The following AK4 variants were observed in gnomAD, a reference collection of about 807,000 sequenced individuals.
AK4 encodes the protein adenylate kinase 4, mitochondrial.
In AK4, 13 loss-of-function variants were observed where a neutral mutation model predicts 24.6. That is an observed-to-expected ratio of 0.53 (90% confidence interval 0.34 to 0.84). The LOEUF (loss-of-function observed/expected upper bound fraction) is 0.84, where lower values mean the gene tolerates loss of function less well. Ranked by LOEUF, AK4 falls within the 40% of genes least tolerant of loss-of-function variation. The probability of loss-of-function intolerance (pLI) is 0.01; values close to 1 mark genes in which losing one functional copy is unlikely to be tolerated. For missense variants in AK4, 192 were observed against 288.2 expected, an observed-to-expected ratio of 0.67 and a Z score of 2.42; for synonymous variants, 88 against 107.0, an observed-to-expected ratio of 0.82 and a Z score of 1.10.
At chr1:65,223,489 C>T (rs776615207) in intron 3 of AK4, among the ~76,000 whole-genome samples, 13 of 151,992 alleles carry the variant, frequency 8.6e-5, no homozygotes, top group Non-Finnish European at 1.3e-4. Flanking sequence ...GCGCCCCAAC[C>T]AACTGATAAA....
chr1:65,221,779 T>C (rs1228852306), intron 3 of AK4, among the ~76,000 whole-genome samples: 1 of 152,224 alleles, frequency 6.6e-6, no homozygotes, highest in African/African-American at 2.4e-5. Flanking sequence ...CTGAGTTGCT[T>C]TTCAAAGCCT....
intron 1 of AK4, among the ~76,000 whole-genome samples, chr1:65,165,561 G>GA (rs56293121): frequency 2.6e-3 from 356 of 134,386 alleles, no homozygotes; most frequent in Non-Finnish European, 2.9e-3. Flanking sequence ...CCCATGTCTG[G>GA]AAAAAAAAAA....
intron 1 of AK4, among the ~76,000 whole-genome samples, chr1:65,153,338 C>G (rs367561950): frequency 1.2e-4 from 18 of 152,228 alleles, no homozygotes; most frequent in African/African-American, 4.3e-4. Flanking sequence ...GGCATGAACA[C>G]GGCTTACTGT....
intron 2 of AK4, among the ~76,000 whole-genome samples, chr1:65,216,593 A>G (rs1039614581): frequency 3.2e-5 from 4 of 123,724 alleles, no homozygotes; most frequent in Non-Finnish European, 6.1e-5. Context: ...GAGTTTATAG[A>G]TGATCTTGAG....
At chr1:65,171,283 CTG>C (rs1322729473) in intron 1 of AK4, among the ~76,000 whole-genome samples, 1 of 101,336 alleles carries the variant, frequency 9.9e-6, no homozygotes. Context: ...TAGACTTATT[CTG>C]TGTTTCAGAA....
At chr1:65,212,539 A>T (rs1652003423) in intron 2 of AK4, among the ~76,000 whole-genome samples, 1 of 152,088 alleles carries the variant, frequency 6.6e-6, no homozygotes, top group Non-Finnish European at 1.5e-5. Flanking sequence ...CCTAGGCTGT[A>T]GTGCAGTGGC....
chr1:65,180,513 A>C (rs1425420589), intron 1 of AK4, among the ~76,000 whole-genome samples: 1 of 152,210 alleles, frequency 6.6e-6, no homozygotes, highest in African/African-American at 2.4e-5. Flanking sequence ...CCTTAAATTT[A>C]AGAGTTTCTT....
rs140316175 is a variant in AK4 at position 65,199,626 on chromosome 1, G to C, written c.265+8797G>C. On this transcript the variant is annotated intron_variant, in intron 2 of 4. Coordinates refer to ENST00000327299, the MANE Select transcript of AK4 (RefSeq NM_013410.4). ...GTTCCCCTGAATGCTGTGTCTTTAA[G>C]TTTGTGTTGTAAAGTAGGTTTGACA... 4.0e-3 allele frequency among the ~76,000 whole-genome samples: 613 copies of C among 152,228 alleles called. 3 individuals carry two copies. The highest frequency in any genetic ancestry group is 0.014 in the African/African-American group (578 of 41,522).
intron 3 of AK4, among the ~76,000 whole-genome samples, chr1:65,221,555 C>A (rs1184956422): frequency 6.6e-6 from 1 of 152,168 alleles, no homozygotes; most frequent in Non-Finnish European, 1.5e-5. Flanking sequence ...TCCCTCCCAC[C>A]TCCAAAAAAC....
chr1:65,166,310 C>CTGTGTGTGTGTGTGTG (rs34870729), intron 1 of AK4, among the ~76,000 whole-genome samples: 6 of 143,008 alleles, frequency 4.2e-5, no homozygotes, highest in East Asian at 2.1e-4. Context: ...GGGATTTAAG[C>CTGTGTGTGTGTGTGTG]TGTGTGTGTG....
chr1:65,172,855 A>ATTTTTTTTTT (rs11408059), intron 1 of AK4, among the ~76,000 whole-genome samples: 2 of 110,916 alleles, frequency 1.8e-5, no homozygotes, highest in Non-Finnish European at 3.5e-5. Flanking sequence ...CCAGCAAGAG[A>ATTTTTTTTTT]TTTTTTTTTT....
At chr1:65,166,679 C>T (rs1650341148) in intron 1 of AK4, among the ~76,000 whole-genome samples, 2 of 152,188 alleles carry the variant, frequency 1.3e-5, no homozygotes, top group South Asian at 2.1e-4. Context: ...CTCAACACCA[C>T]ACCACCAATT....
intron 2 of AK4, among the ~76,000 whole-genome samples, chr1:65,195,464 A>G (rs1007651440): frequency 1.3e-5 from 2 of 152,200 alleles, no homozygotes; most frequent in African/African-American, 4.8e-5. Context: ...GAGTCTTCTC[A>G]TCTTGCAAAA....
intron 2 of AK4, among the ~76,000 whole-genome samples, chr1:65,191,143 C>T (rs74080329): frequency 0.024 from 3,644 of 152,252 alleles, 152 homozygotes; most frequent in African/African-American, 0.083. Context: ...CTTTCATTCA[C>T]CACAGGGCAC....
At chr1:65,213,057 C>G (rs1450182636) in intron 2 of AK4, among the ~76,000 whole-genome samples, 6 of 152,206 alleles carry the variant, frequency 3.9e-5, no homozygotes, top group Non-Finnish European at 5.9e-5. Flanking sequence ...AAAGGGCACT[C>G]ACTACAGAAA....
chr1:65,182,258 G>C lies in AK4; in HGVS notation c.146-8452G>C, dbSNP rs151127150. ...GTTTGTATCTTTAGTGCCTTGTGTG[G>C]TACCTGGTACATAGACTTGCAGAAA... On this transcript the variant is annotated intron_variant, in intron 1 of 4. Transcript: ENST00000327299. Among the ~76,000 whole-genome samples the C allele has an allele frequency of 2.6e-4, 40 of 152,198 alleles. 2 individuals are homozygous for C. In the East Asian group the frequency reaches 7.3e-3, roughly 28 times the overall value.
intron 2 of AK4, among the ~76,000 whole-genome samples, chr1:65,210,775 G>T (rs868010386): frequency 1.3e-5 from 2 of 151,748 alleles, no homozygotes; most frequent in Non-Finnish European, 2.9e-5. Context: ...AGTACCGTCC[G>T]CCCCCTGCCA....
At chr1:65,186,329 G>A (rs900533061) in intron 1 of AK4, among the ~76,000 whole-genome samples, 1 of 151,528 alleles carries the variant, frequency 6.6e-6, no homozygotes, top group Admixed American at 6.6e-5. Flanking sequence ...GTAGGGCAAC[G>A]AGTTGCCCAG....
At chr1:65,149,953 T>G (rs1489708509) in intron 1 of AK4, among the ~76,000 whole-genome samples, 2 of 152,076 alleles carry the variant, frequency 1.3e-5, no homozygotes, top group Non-Finnish European at 2.9e-5. Context: ...TCCTAATGGT[T>G]TTGTGTTTAG....
Sources: allele counts gnomAD v4.1 joint callset (sites outside exome capture counted in the v4.1 genomes callset), GRCh38; gene constraint gnomAD v4.1.1; transcripts MANE v1.5; gene names NCBI Gene and HGNC (gene_info 2026-07-23, HGNC 2026-07-21).